Variants in ATP11A observed in about 807,000 individuals in gnomAD.
ATP11A encodes the protein phospholipid-transporting ATPase IH.
A neutral mutation model predicts 154.4 loss-of-function variants in ATP11A; 81 were observed. The observed-to-expected ratio is 0.52, with a 90% CI of 0.44 to 0.63. The LOEUF (loss-of-function observed/expected upper bound fraction) is 0.63, where lower values mean the gene tolerates loss of function less well. ATP11A is among the 30% of genes least tolerant of loss of function. The probability of loss-of-function intolerance (pLI) is 0.00; values close to 1 mark genes in which losing one functional copy is unlikely to be tolerated. For synonymous variants in ATP11A, 623 were observed against 585.9 expected, an observed-to-expected ratio of 1.06 and a Z score of -0.91; for missense variants, 1,316 against 1,474.3, an observed-to-expected ratio of 0.89 and a Z score of 1.76.
rs118067398 is a variant in ATP11A, at chr13:112,820,772, G to A, written c.725+822G>A. 3.9e-3 allele frequency among the ~76,000 whole-genome samples: 591 copies of A among 152,334 alleles called. 7 individuals carry two copies. The highest frequency in any genetic ancestry group is 0.025 in the East Asian group (130 of 5,186). ...TTCTTCATAAACTCCACTTGTTAGG[G>A]AAATGATTTTTCTTCCATTGTAAGC... is the stretch of plus-strand genomic sequence containing the variant. On this transcript the variant is annotated intron_variant, in intron 8 of 29. Transcript: ENST00000375645.
chr13:112,724,859 C>T (rs549712141), intron 1 of ATP11A, among the ~76,000 whole-genome samples: 1 of 152,328 alleles, frequency 6.6e-6, no homozygotes, highest in African/African-American at 2.4e-5. Context: ...GTGTGTTCCT[C>T]ATTCCACCAC....
rs367697077 is a variant in ATP11A at position 112,812,114 on chromosome 13, A to G, written c.441+1388A>G. ...TTTCAAATGAATTATCTGTGTAACTAATATCTCAATATGTTTCAAAATATG... is the reference window on the plus strand; with the variant it reads ...TTTCAAATGAATTATCTGTGTAACTGATATCTCAATATGTTTCAAAATATG... On this transcript the variant is annotated intron_variant, in intron 5 of 29. Transcript: ENST00000375645. The G allele has an allele frequency of 3.9e-5, 6 of 152,366 alleles. No homozygotes were observed. In the South Asian group the frequency reaches 6.2e-4, roughly 16 times the overall value. The allele number at this position is 152,366 out of a possible 1,614,324, so 9.4% of individuals were successfully genotyped here.
chr13:112,832,026 A>G (rs1001250368), intron 13 of ATP11A, among the ~76,000 whole-genome samples: 1 of 151,806 alleles, frequency 6.6e-6, no homozygotes, highest in Non-Finnish European at 1.5e-5. Flanking sequence ...ACATGCAGAC[A>G]CACTCTCACA....
At chr13:112,784,310 T>A (rs2077568189) in intron 1 of ATP11A, among the ~76,000 whole-genome samples, 1 of 152,200 alleles carries the variant, frequency 6.6e-6, no homozygotes, top group Non-Finnish European at 1.5e-5. Flanking sequence ...AAACTGATAT[T>A]CACACCGCGG....
intron 1 of ATP11A, among the ~76,000 whole-genome samples, chr13:112,776,710 C>A (rs1452121068): frequency 6.6e-6 from 1 of 152,186 alleles, no homozygotes; most frequent in African/African-American, 2.4e-5. Context: ...ATCCTCCTTG[C>A]CTCAGCCCCC....
chr13:112,770,040 A>C (rs1158306483), intron 1 of ATP11A, among the ~76,000 whole-genome samples: 1 of 152,162 alleles, frequency 6.6e-6, no homozygotes, highest in Non-Finnish European at 1.5e-5. Context: ...GCACCCCCCA[A>C]TCCTGGACGT....
intron 20 of ATP11A, among the ~76,000 whole-genome samples, chr13:112,857,497 A>G (rs1192593299): frequency 6.6e-6 from 1 of 152,254 alleles, no homozygotes; most frequent in Non-Finnish European, 1.5e-5. Context: ...CATATATTTA[A>G]GTAGAGGAAT....
intron 6 of ATP11A, among the ~76,000 whole-genome samples, chr13:112,817,823 A>T (rs1267154168): frequency 6.6e-6 from 1 of 152,130 alleles, no homozygotes; most frequent in Non-Finnish European, 1.5e-5. Flanking sequence ...CTTTTTGTGC[A>T]TTTTGTTTAG....
At chr13:112,760,257 G>T (rs1268138073) in intron 1 of ATP11A, among the ~76,000 whole-genome samples, 2 of 152,182 alleles carry the variant, frequency 1.3e-5, no homozygotes, top group Non-Finnish European at 2.9e-5. Flanking sequence ...TGAGGAAGGG[G>T]CACCTCGCTG....
chr13:112,806,229 C>T lies in ATP11A; in HGVS notation c.269C>T (p.Pro90Leu), dbSNP rs756987940. 1 of 1,612,340 alleles carries T rather than the reference C, an allele frequency of 6.2e-7. No individual in the cohort carries two copies. The highest frequency in any genetic ancestry group is 8.5e-7 in the Non-Finnish European group (1 of 1,179,064). ...TTTCTGCAGTTGATTATTGATACAC[C>T]CACAAGTCCAGTGACAAGCGGACTT... Reference protein sequence around the residue: ...IFLVQLIIDTPTSPVTSGLPL... With the variant: ...IFLVQLIIDTLTSPVTSGLPL... Residue 90 changes from proline (P) to leucine (L), a missense_variant, in exon 4 of 30, where the codon CCC becomes CTC. Coordinates refer to ENST00000375645, the MANE Select transcript of ATP11A (RefSeq NM_015205.3).
At chr13:112,881,781 CCT>C (rs1348728383) in intron 29 of ATP11A, 93 bp from the exon 30 acceptor site, 2 of 1,362,414 alleles carry the variant, frequency 1.5e-6, no homozygotes, top group East Asian at 9.1e-5. Context: ...CGTGGGTATC[CCT>C]GAGACTGACC....
intron 22 of ATP11A, chr13:112,858,978 G>T (rs1357395697): frequency 7.6e-6 from 2 of 264,658 alleles, no homozygotes; most frequent in Non-Finnish European, 1.5e-5. Context: ...CCCTGAGGAT[G>T]AGGAGGGCCT....
Position 112,859,178 on chromosome 13 carries a change from A to G in ATP11A, c.2668-215A>G, listed in dbSNP as rs1436436930. The G allele has an allele frequency of 7.0e-6, 4 of 567,582 alleles. No homozygotes were observed. Among genetic ancestry groups the G allele is most frequent in the Admixed American group, 6.0e-5 (2 of 33,226 alleles). The allele number at this position is 567,582 out of a possible 1,614,324, so 35.2% of individuals were successfully genotyped here. On this transcript the variant is annotated intron_variant, in intron 22 of 29. Coordinates refer to ENST00000375645, the MANE Select transcript of ATP11A (RefSeq NM_015205.3). The surrounding 1 kb of genome is among the most constrained non-coding windows in gnomAD (Gnocchi z 4.3). The stretch of plus-strand genomic sequence containing the variant: ...CTCTTGGAGCTGACAAATTTCCTCT[A>G]TACGTTGTCTGTCCTGAGTGGCCAA...
At chr13:112,860,614 A>C in intron 24 of ATP11A, 200 bp downstream of exon 24, 1 of 601,312 alleles carries the variant, frequency 1.7e-6, no homozygotes, top group Non-Finnish European at 2.8e-6. Flanking sequence ...GTCTTGCTGG[A>C]TGGTTTATGC....
intron 24 of ATP11A, among the ~76,000 whole-genome samples, chr13:112,861,837 T>C (rs1250717805): frequency 6.6e-6 from 1 of 151,098 alleles, no homozygotes; most frequent in Non-Finnish European, 1.5e-5. Context: ...CTGAAAGGAA[T>C]CCTGCAAATT....
intron 16 of ATP11A, among the ~76,000 whole-genome samples, chr13:112,840,737 C>T (rs2079389790): frequency 6.6e-6 from 1 of 151,986 alleles, no homozygotes; most frequent in Admixed American, 6.5e-5. Flanking sequence ...GTTGGTGTCT[C>T]AGGAGTTAGT....
rs118191518 is a variant in ATP11A, at chr13:112,870,912, G to A, written c.2992-823G>A. 3.3e-3 allele frequency among the ~76,000 whole-genome samples: 505 copies of A among 152,298 alleles called. 8 individuals carry two copies. Among genetic ancestry groups the A allele is most frequent in the East Asian group, 0.027 (141 of 5,154 alleles). On this transcript the variant is annotated intron_variant, in intron 25 of 29. Transcript: ENST00000375645. The stretch of plus-strand genomic sequence containing the variant: ...TGCTGTCCTCACGGGTCGGGCACGC[G>A]GTCCTCACGGGTGTGTCTGTGTCTG...
chr13:112,741,172 T>C (rs1269025131), intron 1 of ATP11A, among the ~76,000 whole-genome samples: 2 of 152,200 alleles, frequency 1.3e-5, no homozygotes, highest in Non-Finnish European at 2.9e-5. Flanking sequence ...CACAGAGCTT[T>C]ATGTTTTTTT....
chr13:112,704,895 G>A (rs1263570507), intron 1 of ATP11A, among the ~76,000 whole-genome samples: 1 of 152,212 alleles, frequency 6.6e-6, no homozygotes, highest in Non-Finnish European at 1.5e-5. Context: ...GATTGCCCAC[G>A]AAGACATGGA....
Sources: gnomAD v4.1 joint callset for allele counts (sites outside exome capture counted in the v4.1 genomes callset) on GRCh38, gnomAD v4.1.1 for gene constraint, Gnocchi (gnomAD v3.1) non-coding constraint, MANE v1.5 for transcripts, NCBI Gene and HGNC (gene_info 2026-07-23, HGNC 2026-07-21) for gene names.